Variants in CSTF2 observed in about 807,000 individuals in gnomAD.
The protein encoded by CSTF2 is CF-1 64 kDa subunit.
CSTF2 carries 8 observed loss-of-function variants against 45.4 expected under a neutral mutation model. The ratio of observed to expected loss-of-function variants is 0.18; its 90% confidence interval spans 0.10 to 0.32. The LOEUF (loss-of-function observed/expected upper bound fraction) is 0.32. CSTF2 is among the 10% of genes least tolerant of loss of function. CSTF2 has a pLI of 1.00. For missense variants in CSTF2, 253 were observed against 477.1 expected (o/e 0.53, Z 4.38); for synonymous variants, 155 against 158.9 (o/e 0.98, Z 0.18).
At chrX:100,822,483 C>T in intron 3 of CSTF2, 63 bp downstream of exon 3, 1 of 1,093,555 alleles carries the variant, frequency 9.1e-7, no homozygotes, top group Admixed American at 2.3e-5. Context: ...GAAGATTTTC[C>T]ATTTCTGATA....
intron 7 of CSTF2, among the ~76,000 whole-genome samples, chrX:100,827,264 A>C (rs1186677541): frequency 8.9e-6 from 1 of 112,396 alleles, no homozygotes; most frequent in African/African-American, 3.2e-5. Context: ...ACATAATCAG[A>C]ACAAACAACA....
intron 8 of CSTF2, among the ~76,000 whole-genome samples, chrX:100,831,194 T>C (rs113915262): frequency 3.6e-5 from 4 of 111,515 alleles, no homozygotes; most frequent in African/African-American, 1.3e-4. Flanking sequence ...GCCAAGACTC[T>C]ACCTCTGTTT....
intron 12 of CSTF2, among the ~76,000 whole-genome samples, chrX:100,837,705 G>C (rs1157303446): frequency 1.8e-5 from 2 of 112,049 alleles, no homozygotes; most frequent in Non-Finnish European, 3.8e-5. Context: ...GCCAATAGCA[G>C]GTTTTTCTTG....
chrX:100,833,862 T>G (rs1314833775), intron 11 of CSTF2, among the ~76,000 whole-genome samples: 1 of 111,769 alleles, frequency 8.9e-6, no homozygotes, highest in Non-Finnish European at 1.9e-5. Context: ...ATGGATAGTT[T>G]GAAAAACTTC....
intron 1 of CSTF2, 38 bp downstream of exon 1, chrX:100,820,512 A>C: frequency 1.7e-6 from 2 of 1,147,784 alleles, no homozygotes; most frequent in Non-Finnish European, 2.4e-6. Flanking sequence ...TCGGGGAGGG[A>C]CTCCCCTCTG....
At chrX:100,822,471 A>G (rs756503528) in intron 3 of CSTF2, 51 bp downstream of exon 3, 4 of 1,135,174 alleles carry the variant, frequency 3.5e-6, no homozygotes, top group South Asian at 1.9e-5. Context: ...AGATGTAACA[A>G]TGAAGATTTT....
At chrX:100,824,034 TGGTC>T in intron 5 of CSTF2, 29 bp downstream of exon 5, 1 of 1,210,371 alleles carries the variant, frequency 8.3e-7, no homozygotes, top group Non-Finnish European at 1.1e-6. Context: ...TTTATGGAAA[TGGTC>T]GGGTAAACCT....
chrX:100,833,524 G>A, intron 11 of CSTF2, 52 bp downstream of exon 11: 1 of 1,099,943 alleles, frequency 9.1e-7, no homozygotes, highest in Non-Finnish European at 1.2e-6. Flanking sequence ...ATCTATTCAG[G>A]AATTGATTAT....
Position 100,836,872 on chromosome X carries a change from C to T in CSTF2, c.1501-467C>T, listed in dbSNP as rs1336975001. 2.9e-4 allele frequency among the ~76,000 whole-genome samples: 33 copies of T among 112,135 alleles called. No homozygotes were observed. The Admixed American group carries it at 3.1e-3, about 11-fold the overall frequency. On this transcript the variant is annotated intron_variant, in intron 11 of 13. Coordinates refer to ENST00000372972, the MANE Select transcript of CSTF2 (RefSeq NM_001325.3). ...TCTGACATTATGAACATCTCTGCCT[C>T]ACTTGTGGGATAGGGCCCTTTGGGA...
chrX:100,832,222 GTAAA>G (rs758754397), intron 9 of CSTF2, among the ~76,000 whole-genome samples: 2 of 111,660 alleles, frequency 1.8e-5, no homozygotes, highest in South Asian at 3.8e-4. Flanking sequence ...CATTTCAAAA[GTAAA>G]TAAATAAATA....
chrX:100,824,619 A>C (rs1336550033), intron 6 of CSTF2, among the ~76,000 whole-genome samples: 2 of 112,459 alleles, frequency 1.8e-5, no homozygotes, highest in African/African-American at 6.5e-5. Flanking sequence ...TGATGAAAAA[A>C]GTAAAGCTTG....
chrX:100,835,830 C>T lies in CSTF2; in HGVS notation c.1501-1509C>T, dbSNP rs759308298. ...AGCACACCTAGAAACTTAAAATGGC[C>T]GTTATTGAGTGGTTAGATCACAATT... On this transcript the variant is annotated intron_variant, in intron 11 of 13. Coordinates refer to ENST00000372972, the MANE Select transcript of CSTF2 (RefSeq NM_001325.3). Among the ~76,000 whole-genome samples the T allele has an allele frequency of 9.0e-5, 10 of 111,015 alleles. No individual in the cohort carries two copies. In the South Asian group the frequency reaches 3.1e-3, roughly 34 times the overall value.
At chrX:100,825,953 T>C (rs867911052) in intron 6 of CSTF2, among the ~76,000 whole-genome samples, 2 of 111,926 alleles carry the variant, frequency 1.8e-5, no homozygotes, top group East Asian at 2.8e-4. Context: ...TCCTTTTCTT[T>C]TGTAGAGTTT....
intron 3 of CSTF2, 179 bp downstream of exon 3, chrX:100,822,599 T>C: frequency 2.2e-6 from 1 of 452,599 alleles, no homozygotes; most frequent in South Asian, 3.4e-5. Flanking sequence ...TTAAAAACTT[T>C]TTATAAATTT....
At chrX:100,833,596 C>A in intron 11 of CSTF2, 124 bp downstream of exon 11, 1 of 652,644 alleles carries the variant, frequency 1.5e-6, no homozygotes, top group Non-Finnish European at 2.3e-6. Context: ...AAAGGGAAGA[C>A]TTGGATCTCC....
At chrX:100,830,728 ATG>A in intron 8 of CSTF2, 24 of 724,474 alleles carry the variant, frequency 3.3e-5, no homozygotes, top group African/African-American at 6.3e-5. Context: ...CTCAATCTCC[ATG>A]TGTGTGTGTT....
At position 100,833,227 on chromosome X, in the gene CSTF2, G is replaced by A; in HGVS notation, c.1255G>A (p.Ala419Thr). The A allele has an allele frequency of 8.3e-7, 1 of 1,211,224 alleles. No homozygotes were observed. ...GIDARGMEAR[A>T]MEARGLDARG... The stretch of plus-strand genomic sequence containing the variant: ...AGATGCACGAGGGATGGAGGCCCGA[G>A]CCATGGAGGCAAGAGGGTTAGATGC... Residue 419 changes from alanine to threonine, a missense_variant, in exon 11 of 14, where the codon GCC becomes ACC. Transcript: ENST00000372972.
intron 11 of CSTF2, among the ~76,000 whole-genome samples, chrX:100,834,063 G>A (rs1389279719): frequency 8.9e-6 from 1 of 111,833 alleles, no homozygotes; most frequent in Non-Finnish European, 1.9e-5. Context: ...GTGTGGAACC[G>A]AAGTCTTGTC....
intron 11 of CSTF2, among the ~76,000 whole-genome samples, chrX:100,834,053 G>A (rs1293280132): frequency 2.7e-5 from 3 of 111,793 alleles, no homozygotes; most frequent in African/African-American, 9.8e-5. Flanking sequence ...ACCTTAAAAG[G>A]TGTGGAACCG....
Sources: allele counts gnomAD v4.1 joint callset (sites outside exome capture counted in the v4.1 genomes callset), GRCh38; gene constraint gnomAD v4.1.1; transcripts MANE v1.5; gene names NCBI Gene and HGNC (gene_info 2026-07-23, HGNC 2026-07-21).